Variants in TAOK1 observed in about 807,000 individuals in gnomAD.
TAOK1 encodes the protein serine/threonine-protein kinase TAO1.
TAOK1 carries 21 observed loss-of-function variants against 138.3 expected under a neutral mutation model. The ratio of observed to expected loss-of-function variants is 0.15; its 90% CI spans 0.11 to 0.22. The LOEUF is 0.22. Ranked by LOEUF, TAOK1 falls within the 10% of genes least tolerant of loss-of-function variation. The pLI is 1.00. For missense variants in TAOK1, 651 were observed against 1,227.7 expected (o/e 0.53, Z 7.02); for synonymous variants, 361 against 398.4 (o/e 0.91, Z 1.12).
chr17:29,453,984 CTTT>C (rs757432008), intron 2 of TAOK1, among the ~76,000 whole-genome samples: 1 of 125,548 alleles, frequency 8.0e-6, no homozygotes, highest in African/African-American at 2.9e-5. Flanking sequence ...AATTTTTTTG[CTTT>C]TTTTTTTTTT....
At chr17:29,534,928 GGTGTGTGTGTGT>G (rs71138832) in intron 19 of TAOK1, among the ~76,000 whole-genome samples, 15 of 147,222 alleles carry the variant, frequency 1.0e-4, no homozygotes, top group Admixed American at 2.7e-4. Flanking sequence ...AGGATACTAA[GGTGTGTGTGTGT>G]GTGTGTGTGT....
intron 1 of TAOK1, among the ~76,000 whole-genome samples, chr17:29,445,613 C>T (rs963796443): frequency 2.6e-5 from 4 of 152,118 alleles, no homozygotes; most frequent in Non-Finnish European, 5.9e-5. Context: ...TGGAGTATGA[C>T]AATGATTTTC....
intron 11 of TAOK1, 69 bp from the exon 12 acceptor site, chr17:29,498,249 T>C: frequency 6.5e-7 from 1 of 1,530,932 alleles, no homozygotes; most frequent in Non-Finnish European, 9.0e-7. Flanking sequence ...TAGGTGCTTA[T>C]AGTCAAGAAT....
rs2032413267 is a variant in TAOK1, at chr17:29,547,028, C to T, written c.*4006C>T. ...CTGGGGAAGGAGCCAGTTAGTGTTT[C>T]TGTGAGTTTGTGTTGTGATGCAATA... On this transcript the variant is annotated 3_prime_UTR_variant, in exon 20 of 20. Coordinates refer to ENST00000261716, the MANE Select transcript of TAOK1 (RefSeq NM_020791.4). 6.6e-6 allele frequency: 1 copy of T among 152,044 alleles called. No individual in the cohort carries two copies. The highest frequency in any genetic ancestry group is 2.4e-5 in the African/African-American group (1 of 41,414). The allele number at this position is 152,044 out of a possible 1,614,324, so 9.4% of individuals were successfully genotyped here. A position where few individuals can be genotyped will look rare whatever the true frequency, so the allele number is the denominator to read the frequency against.
intron 10 of TAOK1, among the ~76,000 whole-genome samples, chr17:29,495,192 G>A (rs960182452): frequency 6.6e-6 from 1 of 152,078 alleles, no homozygotes; most frequent in Non-Finnish European, 1.5e-5. Flanking sequence ...ATACATTCCT[G>A]TTGAAACAAA....
At chr17:29,508,682 G>A (rs1177623467) in intron 14 of TAOK1, among the ~76,000 whole-genome samples, 1 of 151,996 alleles carries the variant, frequency 6.6e-6, no homozygotes, top group Admixed American at 6.6e-5. Flanking sequence ...ATTTCTGGCA[G>A]CATTTTAATA....
intron 1 of TAOK1, among the ~76,000 whole-genome samples, chr17:29,403,346 T>C (rs1360295481): frequency 6.6e-6 from 1 of 152,016 alleles, no homozygotes; most frequent in East Asian, 1.9e-4. Flanking sequence ...CAGAAAAGGT[T>C]GATGAACAGC....
At chr17:29,521,711 T>G (rs1036808877) in intron 16 of TAOK1, among the ~76,000 whole-genome samples, 1 of 152,158 alleles carries the variant, frequency 6.6e-6, no homozygotes, top group African/African-American at 2.4e-5. Context: ...GCCTCCCGCG[T>G]AGCTGGGACT....
chr17:29,431,185 C>T (rs1396475131), intron 1 of TAOK1, among the ~76,000 whole-genome samples: 3 of 152,108 alleles, frequency 2.0e-5, no homozygotes, highest in South Asian at 2.1e-4. Flanking sequence ...TAAAAAAACT[C>T]CCCCTTTTTG....
rs2032372729 is a variant in TAOK1 at position 29,544,635 on chromosome 17, T to C, written c.*1613T>C. 6.6e-6 allele frequency: 1 copy of C among 152,214 alleles called. No homozygotes were observed. The highest frequency in any genetic ancestry group is 1.5e-5 in the Non-Finnish European group (1 of 68,036). The allele number at this position is 152,214 out of a possible 1,614,324, so 9.4% of individuals were successfully genotyped here. On this transcript the variant is annotated 3_prime_UTR_variant, in exon 20 of 20. Coordinates refer to ENST00000261716, the MANE Select transcript of TAOK1 (RefSeq NM_020791.4). The stretch of plus-strand genomic sequence containing the variant: ...GCTAAAAAGTCAGTTATTTTCTTGG[T>C]TTTCCATTTCTTGTATATAAATTGT...
chr17:29,414,539 T>G (rs1309694768), intron 1 of TAOK1, among the ~76,000 whole-genome samples: 1 of 124,314 alleles, frequency 8.0e-6, no homozygotes, highest in Non-Finnish European at 1.7e-5. Context: ...CGTGAACCAC[T>G]GTGTCCAGCC....
chr17:29,520,857 A>G (rs894761686), intron 16 of TAOK1, among the ~76,000 whole-genome samples: 9 of 151,808 alleles, frequency 5.9e-5, no homozygotes, highest in African/African-American at 2.2e-4. Context: ...AAACCCATCT[A>G]TACTAAAGAT....
chr17:29,457,076 TTTTTTTCTTTTTC>T (rs2030397932), intron 2 of TAOK1, among the ~76,000 whole-genome samples: 1 of 139,358 alleles, frequency 7.2e-6, no homozygotes, highest in Non-Finnish European at 1.5e-5. Flanking sequence ...TTTTCTTCTC[TTTTTTTCTTTTTC>T]TTTTTTTTTT....
chr17:29,434,863 G>A (rs980825481), intron 1 of TAOK1, among the ~76,000 whole-genome samples: 7 of 152,036 alleles, frequency 4.6e-5, no homozygotes, highest in African/African-American at 1.4e-4. Context: ...ATTGAGTCTG[G>A]GACAAAGATG....
At position 29,543,290 on chromosome 17, in the gene TAOK1, TAC is replaced by T; in HGVS notation, c.*276_*277del. On this transcript the variant is annotated 3_prime_UTR_variant, in exon 20 of 20. Transcript: ENST00000261716. Reference sequence around the variant, plus strand: ...AAATGTGTATGTGTGTACATATATATACACACACATACACATATATTATGCAT... The same window carrying T: ...AAATGTGTATGTGTGTACATATATATACACACATACACATATATTATGCAT... 1 of 242,408 alleles carries T rather than the reference TAC, an allele frequency of 4.1e-6. No homozygotes were observed. The highest frequency in any genetic ancestry group is 2.2e-5 in the African/African-American group (1 of 45,234). 15.0% of individuals were successfully genotyped at this position (242,408 alleles called of 1,614,324 possible). A position where few individuals can be genotyped will look rare whatever the true frequency, so the allele number is the denominator to read the frequency against.
chr17:29,456,209 G>T lies in TAOK1; in HGVS notation c.132+4529G>T, dbSNP rs562808563. ...CTAAAAATACAAAAATAAGTTGAGTGTGGTGGTGCATGCCTGTAGTCCCAG... is the reference window on the plus strand; with the variant it reads ...CTAAAAATACAAAAATAAGTTGAGTTTGGTGGTGCATGCCTGTAGTCCCAG... On this transcript the variant is annotated intron_variant, in intron 2 of 19. Coordinates refer to ENST00000261716, the MANE Select transcript of TAOK1 (RefSeq NM_020791.4). 2.7e-5 allele frequency among the ~76,000 whole-genome samples: 4 copies of T among 150,210 alleles called. 1 individual carries two copies. Among genetic ancestry groups the T allele is most frequent in the African/African-American group, 1.0e-4 (4 of 39,586 alleles).
rs976506662 is a variant in TAOK1, at chr17:29,530,369, G to A, written c.2149-38G>A. On this transcript the variant is annotated intron_variant, in intron 17 of 19. Transcript: ENST00000261716. ...GCATACCATATACCAAATGCCTTTC[G>A]TTACAACTTACATAAATGTATTTTT... The A allele has an allele frequency of 2.0e-5, 31 of 1,582,612 alleles. No individual in the cohort carries two copies. The African/African-American group carries it at 2.6e-4, about 13-fold the overall frequency.
intron 1 of TAOK1, among the ~76,000 whole-genome samples, chr17:29,448,016 T>TTA (rs2030138067): frequency 7.2e-6 from 1 of 138,028 alleles, no homozygotes; most frequent in African/African-American, 2.7e-5. Context: ...CATACCGAGT[T>TTA]TATCTTTTTT....
intron 17 of TAOK1, among the ~76,000 whole-genome samples, chr17:29,523,052 G>A (rs1006319079): frequency 6.7e-6 from 1 of 148,240 alleles, no homozygotes; most frequent in African/African-American, 2.5e-5. Context: ...TCCAGCCCGG[G>A]TGACAGAGCA....
Sources: gnomAD v4.1 joint callset for allele counts (sites outside exome capture counted in the v4.1 genomes callset) on GRCh38, gnomAD v4.1.1 for gene constraint, MANE v1.5 for transcripts, NCBI Gene and HGNC (gene_info 2026-07-23, HGNC 2026-07-21) for gene names.